The following UNC5D variants were observed in gnomAD, a reference collection of about 807,000 sequenced individuals.
UNC5D encodes unc-5 netrin receptor D.
Under a neutral mutation model 105.4 loss-of-function variants are expected in UNC5D, and 39 were observed. That is an observed-to-expected ratio of 0.37 (90% CI 0.29 to 0.48). The LOEUF is 0.48. UNC5D is among the 20% of genes least tolerant of loss of function. The probability of loss-of-function intolerance (pLI) is 0.98; values close to 1 mark genes in which losing one functional copy is unlikely to be tolerated. For missense variants in UNC5D, 991 were observed against 1,202.4 expected, an observed-to-expected ratio of 0.82 and a Z score of 2.60; for synonymous variants, 452 against 450.4, an observed-to-expected ratio of 1.00 and a Z score of -0.04.
chr8:35,575,665 A>C lies in UNC5D; in HGVS notation c.466+7424A>C, dbSNP rs1818041573. Among the ~76,000 whole-genome samples, 3 of 152,158 alleles carry C rather than the reference A, an allele frequency of 2.0e-5. No homozygotes were observed. The South Asian group carries it at 6.2e-4, about 32-fold the overall frequency. On this transcript the variant is annotated intron_variant, in intron 3 of 16. Coordinates refer to ENST00000404895, the MANE Select transcript of UNC5D (RefSeq NM_080872.4). The stretch of plus-strand genomic sequence containing the variant: ...CATAATATTAAGACCGATGCTCAAC[A>C]CTTGGTATAAATCATACAAAAGCTT...
intron 1 of UNC5D, among the ~76,000 whole-genome samples, chr8:35,412,515 T>G (rs140535212): frequency 6.6e-6 from 1 of 152,092 alleles, no homozygotes; most frequent in East Asian, 1.9e-4. Context: ...TGACTTCTAT[T>G]CCTAAATACC....
chr8:35,774,325 C>T lies in UNC5D; in HGVS notation c.2505C>T (p.Phe835=), dbSNP rs545516301. The change falls in exon 16 of 17, where the codon TTC becomes TTT. Residue 835 remains phenylalanine (F), a synonymous_variant. Coordinates refer to ENST00000404895, the MANE Select transcript of UNC5D (RefSeq NM_080872.4). ...GTGAACGAGAAACCATCACTTTCTT[C>T]GCACAAGAGGACAGCACTTTCCCTG... The part of the protein sequence containing the change: ...LESERETITF[F]AQEDSTFPAQ... 3.3e-5 allele frequency: 53 copies of T among 1,614,046 alleles called. No individual in the cohort carries two copies. The highest frequency in any genetic ancestry group is 1.0e-4 in the Admixed American group (6 of 60,010).
At chr8:35,575,067 A>C (rs2130815337) in intron 3 of UNC5D, among the ~76,000 whole-genome samples, 1 of 152,286 alleles carries the variant, frequency 6.6e-6, no homozygotes, top group African/African-American at 2.4e-5. Context: ...CCCCAGCTTC[A>C]AAATTTCATA....
At chr8:35,750,216 C>T (rs1360605746) in intron 12 of UNC5D, among the ~76,000 whole-genome samples, 1 of 152,012 alleles carries the variant, frequency 6.6e-6, no homozygotes, top group Non-Finnish European at 1.5e-5. Flanking sequence ...CCGCCTACTG[C>T]AATCTCCACC....
intron 6 of UNC5D, among the ~76,000 whole-genome samples, chr8:35,685,518 T>A (rs1004132735): frequency 6.6e-6 from 1 of 152,146 alleles, no homozygotes; most frequent in African/African-American, 2.4e-5. Context: ...TATAATAAAA[T>A]TGCAAATTTA....
At chr8:35,635,930 C>T (rs908429795) in intron 4 of UNC5D, among the ~76,000 whole-genome samples, 2 of 152,024 alleles carry the variant, frequency 1.3e-5, no homozygotes, top group Non-Finnish European at 2.9e-5. Context: ...TCATCCCTCA[C>T]GGAAACCAAA....
At chr8:35,528,569 G>C (rs1464825887) in intron 1 of UNC5D, among the ~76,000 whole-genome samples, 1 of 146,214 alleles carries the variant, frequency 6.8e-6, no homozygotes, top group Admixed American at 7.0e-5. Context: ...CCCAGTAATG[G>C]GATGGCTGGG....
chr8:35,760,139 G>A (rs991328045), intron 14 of UNC5D, among the ~76,000 whole-genome samples: 10 of 151,176 alleles, frequency 6.6e-5, no homozygotes, highest in African/African-American at 2.4e-4. Flanking sequence ...CGCCTCCCGA[G>A]TTCAAGCGAT....
intron 1 of UNC5D, among the ~76,000 whole-genome samples, chr8:35,455,532 G>T (rs186069528): frequency 6.6e-6 from 1 of 151,920 alleles, no homozygotes. Context: ...GTCCACCTCC[G>T]CCTCCCAAAG....
At chr8:35,716,615 C>T (rs1467234172) in intron 8 of UNC5D, among the ~76,000 whole-genome samples, 1 of 152,122 alleles carries the variant, frequency 6.6e-6, no homozygotes, top group Non-Finnish European at 1.5e-5. Flanking sequence ...ATGTAAAGTC[C>T]TAGAACAGTG....
intron 3 of UNC5D, among the ~76,000 whole-genome samples, chr8:35,568,801 C>T (rs1296102562): frequency 6.6e-6 from 1 of 152,138 alleles, no homozygotes; most frequent in African/African-American, 2.4e-5. Flanking sequence ...TCAACAATGC[C>T]AGGGAAAACC....
chr8:35,316,506 C>T (rs1563307361), intron 1 of UNC5D, among the ~76,000 whole-genome samples: 1 of 152,130 alleles, frequency 6.6e-6, no homozygotes, highest in Non-Finnish European at 1.5e-5. Flanking sequence ...GTCCATCTGC[C>T]AAACTAACTT....
rs544771290 is a variant in UNC5D at position 35,597,360 on chromosome 8, G to A, written c.570+1703G>A. On this transcript the variant is annotated intron_variant, in intron 4 of 16. Transcript: ENST00000404895. ...GCTGCCCTATTGTTTCCTACAAACA[G>A]CATGCCCTCCTTTCCTGAACAGGGT... Among the ~76,000 whole-genome samples the A allele has an allele frequency of 9.2e-5, 14 of 152,270 alleles. No homozygotes were observed. The South Asian group carries it at 2.9e-3, about 32-fold the overall frequency.
intron 1 of UNC5D, among the ~76,000 whole-genome samples, chr8:35,537,812 CAG>C (rs1362671377): frequency 2.6e-5 from 4 of 151,570 alleles, no homozygotes; most frequent in Non-Finnish European, 5.9e-5. Flanking sequence ...CATTTGCACT[CAG>C]TACATTTTAT....
chr8:35,371,238 C>T (rs551891163), intron 1 of UNC5D, among the ~76,000 whole-genome samples: 17 of 152,136 alleles, frequency 1.1e-4, no homozygotes, highest in African/African-American at 3.1e-4. Flanking sequence ...GAGAACACAG[C>T]ATTTTAGATA....
intron 8 of UNC5D, among the ~76,000 whole-genome samples, chr8:35,716,711 C>A (rs570975067): frequency 9.0e-4 from 137 of 152,116 alleles, no homozygotes; most frequent in Middle Eastern, 3.4e-3. Context: ...TTGAGATTTT[C>A]GAGGTTGGGA....
chr8:35,361,009 G>A (rs1040342258), intron 1 of UNC5D, among the ~76,000 whole-genome samples: 1 of 151,996 alleles, frequency 6.6e-6, no homozygotes, highest in Non-Finnish European at 1.5e-5. Context: ...AACATCAAAA[G>A]CACATTTGGG....
chr8:35,585,660 A>C (rs1818746174), intron 3 of UNC5D, among the ~76,000 whole-genome samples: 1 of 152,032 alleles, frequency 6.6e-6, no homozygotes, highest in South Asian at 2.1e-4. Flanking sequence ...TTAAAAAAGA[A>C]CATTTTAGAA....
intron 4 of UNC5D, among the ~76,000 whole-genome samples, chr8:35,641,333 T>C (rs1027875488): frequency 3.7e-4 from 47 of 128,210 alleles, no homozygotes; most frequent in African/African-American, 1.4e-3. Context: ...CTGTATGATG[T>C]ATCTCACTGC....
Sources: allele counts gnomAD v4.1 joint callset (sites outside exome capture counted in the v4.1 genomes callset), GRCh38; gene constraint gnomAD v4.1.1; transcripts MANE v1.5; gene names NCBI Gene and HGNC (gene_info 2026-07-23, HGNC 2026-07-21).